MYOM2: variants seen among roughly 807,000 people sequenced by gnomAD.
MYOM2 encodes the protein myomesin-2.
Under a neutral mutation model 187.6 loss-of-function variants are expected in MYOM2, and 254 were observed. The observed-to-expected ratio is 1.35, with a 90% CI of 1.22 to 1.50. The LOEUF is 1.50. MYOM2 is among the 40% of genes most tolerant of loss of function. MYOM2 has a pLI of 0.00. For missense variants in MYOM2, 2,796 were observed against 1,924.0 expected (o/e 1.45, Z -8.48); for synonymous variants, 981 against 753.8 (o/e 1.30, Z -4.94).
chr8:2,123,818 GT>G (rs1256039634), intron 30 of MYOM2, among the ~76,000 whole-genome samples, 176 bp downstream of exon 30: 2 of 152,144 alleles, frequency 1.3e-5, no homozygotes, highest in Non-Finnish European at 2.9e-5. Flanking sequence ...TTTTTTCAGT[GT>G]TTTAGAATAA....
At position 2,091,132 on chromosome 8, in the gene MYOM2, G is replaced by T. The variant is rs771653177; in HGVS notation, c.1828+941G>T. On this transcript the variant is annotated intron_variant, in intron 15 of 36. Coordinates refer to ENST00000262113, the MANE Select transcript of MYOM2 (RefSeq NM_003970.4). ...TAAGTGTTCCCTTTTCTCTGCAATG[G>T]TCACTTTTAAAGTAATTCAAATTTT... is the stretch of plus-strand genomic sequence containing the variant. Among the ~76,000 whole-genome samples, 7 of 147,138 alleles carry T rather than the reference G, an allele frequency of 4.8e-5. No individual in the cohort carries two copies. In the Admixed American group the frequency reaches 4.9e-4, roughly 10 times the overall value.
chr8:2,105,719 G>C (rs1482695723), intron 21 of MYOM2, among the ~76,000 whole-genome samples: 1 of 152,154 alleles, frequency 6.6e-6, no homozygotes, highest in Non-Finnish European at 1.5e-5. Context: ...AGCCCCTCCA[G>C]GTCCTCCCTA....
chr8:2,088,401 C>T (rs1242966420), intron 14 of MYOM2, among the ~76,000 whole-genome samples: 1 of 152,354 alleles, frequency 6.6e-6, no homozygotes, highest in Non-Finnish European at 1.5e-5. Context: ...GTGAGCACAG[C>T]ACCCCATAGG....
chr8:2,100,807 G>T (rs974566871), intron 19 of MYOM2, 69 bp from the exon 20 acceptor site: 3 of 1,535,592 alleles, frequency 2.0e-6, no homozygotes, highest in African/African-American at 1.4e-5. Context: ...GGTCCCCGGG[G>T]CTGGGTTGGG....
intron 32 of MYOM2, among the ~76,000 whole-genome samples, chr8:2,129,838 T>C (rs1220912632): frequency 6.6e-6 from 1 of 152,082 alleles, no homozygotes; most frequent in Non-Finnish European, 1.5e-5. Flanking sequence ...AGCCGACATC[T>C]GAAACAACCA....
chr8:2,092,082 G>T (rs1277954504), intron 15 of MYOM2, among the ~76,000 whole-genome samples: 3 of 148,686 alleles, frequency 2.0e-5, no homozygotes, highest in African/African-American at 7.4e-5. Context: ...TCTGATGGGA[G>T]ACAGGAGGAT....
intron 1 of MYOM2, 106 bp from the exon 2 acceptor site, chr8:2,050,649 G>A (rs79338121): frequency 1.6e-6 from 1 of 608,732 alleles, no homozygotes; most frequent in Non-Finnish European, 2.9e-6. Context: ...TCCCAAGGGG[G>A]TTTTATTAAC....
intron 6 of MYOM2, among the ~76,000 whole-genome samples, chr8:2,064,004 CTG>C (rs1322279042): frequency 2.6e-5 from 4 of 152,336 alleles, no homozygotes; most frequent in Admixed American, 2.0e-4. Flanking sequence ...AGCTGAGTGC[CTG>C]TGTGGGGCCT....
rs768824081 is a variant in MYOM2, at chr8:2,144,779, A to C, written c.4196A>C (p.Lys1399Thr). Residue 1399 changes from lysine (K) to threonine (T), a missense_variant, in exon 37 of 37, where the codon AAG (lysine) becomes ACG (threonine). Coordinates refer to ENST00000262113, the MANE Select transcript of MYOM2 (RefSeq NM_003970.4). ...TTCTCGGTGAAGGTGGAGCAGGCCAAGTACGTCAGCATGACCATCAAAGGC... is the reference window on the plus strand; with the variant it reads ...TTCTCGGTGAAGGTGGAGCAGGCCACGTACGTCAGCATGACCATCAAAGGC... ...EHFSVKVEQA[K>T]YVSMTIKGVT... is the part of the protein sequence containing the mutation. 1.2e-6 allele frequency: 2 copies of C among 1,614,224 alleles called. No homozygotes were observed. The highest frequency in any genetic ancestry group is 4.5e-5 in the East Asian group (2 of 44,874).
chr8:2,128,814 G>A (rs941639521), intron 31 of MYOM2, among the ~76,000 whole-genome samples: 2 of 152,196 alleles, frequency 1.3e-5, no homozygotes, highest in African/African-American at 4.8e-5. Flanking sequence ...GCCATGCACT[G>A]TTGTTATTTT....
chr8:2,058,963 T>C (rs1818762463), intron 5 of MYOM2, among the ~76,000 whole-genome samples, 190 bp from the exon 6 acceptor site: 1 of 152,242 alleles, frequency 6.6e-6, no homozygotes, highest in Non-Finnish European at 1.5e-5. Flanking sequence ...AGGAAAGCGC[T>C]GCTCTCGCCT....
At chr8:2,125,627 G>A (rs917888234) in intron 31 of MYOM2, among the ~76,000 whole-genome samples, 1 of 15,022 alleles carries the variant, frequency 6.7e-5, no homozygotes, top group African/African-American at 2.2e-4. Context: ...TTTTTTTTTT[G>A]AGACGGAGTC....
chr8:2,120,587 G>A (rs1484684856), intron 28 of MYOM2, among the ~76,000 whole-genome samples: 1 of 139,712 alleles, frequency 7.2e-6, no homozygotes, highest in East Asian at 2.1e-4. Flanking sequence ...AGAAATTTGT[G>A]TGATGAAAGG....
Position 2,059,615 on chromosome 8 carries a change from T to C in MYOM2, c.653+370T>C, listed in dbSNP as rs1038712930. 3.3e-5 allele frequency among the ~76,000 whole-genome samples: 5 copies of C among 152,170 alleles called. No individual in the cohort carries two copies. The South Asian group carries it at 8.3e-4, about 25-fold the overall frequency. Reference sequence around the variant, plus strand: ...GAATGATAACCTTTATTTTCTTTTATAACAAATCAAAAAAGTATATGAAAT... The same window carrying C: ...GAATGATAACCTTTATTTTCTTTTACAACAAATCAAAAAAGTATATGAAAT... On this transcript the variant is annotated intron_variant, in intron 6 of 36. Coordinates refer to ENST00000262113, the MANE Select transcript of MYOM2 (RefSeq NM_003970.4).
At chr8:2,093,550 G>A (rs914228445) in intron 16 of MYOM2, among the ~76,000 whole-genome samples, 5 of 152,200 alleles carry the variant, frequency 3.3e-5, no homozygotes, top group Non-Finnish European at 7.3e-5. Context: ...TAAAATCTGT[G>A]AGGTTTCAAA....
At position 2,073,396 on chromosome 8, in the gene MYOM2, C is replaced by T; in HGVS notation, c.1016C>T (p.Ser339Phe). The change falls in exon 10 of 37, where the codon TCC becomes TTC. Residue 339 changes from serine to phenylalanine, a missense_variant. Coordinates refer to ENST00000262113, the MANE Select transcript of MYOM2 (RefSeq NM_003970.4). ...TKMFFGEGQA[S>F]LSFSHLHKDD... Reference sequence around the variant, plus strand: ...ATGTTCTTTGGAGAAGGCCAGGCCTCCCTGTCCTTCAGCCACCTGCACAAG... The same window carrying T: ...ATGTTCTTTGGAGAAGGCCAGGCCTTCCTGTCCTTCAGCCACCTGCACAAG... 1.2e-6 allele frequency: 2 copies of T among 1,613,462 alleles called. No homozygotes were observed. The highest frequency in any genetic ancestry group is 8.5e-7 in the Non-Finnish European group (1 of 1,179,796).
In MYOM2 at chr8:2,115,966, AG is replaced by A; in HGVS notation, c.3188del (p.Arg1063LysfsTer14). On this transcript the variant is annotated frameshift_variant, in exon 26 of 37. Transcript: ENST00000262113. LOFTEE classifies it high-confidence loss of function. ...TCCCTTGTTTTGCTTGCAGATACACAGAATTAAATGTGACAAAGCTACTGGC... is the reference window on the plus strand; with the variant it reads ...TCCCTTGTTTTGCTTGCAGATACACAAATTAAATGTGACAAAGCTACTGGC... ...DREVSDSEIH[R>X]IKCDKATGII... 6.2e-7 allele frequency: 1 copy of A among 1,608,322 alleles called. No individual in the cohort carries two copies. The highest frequency in any genetic ancestry group is 2.2e-5 in the East Asian group (1 of 44,850).
intron 14 of MYOM2, among the ~76,000 whole-genome samples, chr8:2,089,482 C>A (rs1387856870): frequency 6.6e-6 from 1 of 152,140 alleles, no homozygotes; most frequent in Non-Finnish European, 1.5e-5. Flanking sequence ...GACTAAAGAT[C>A]TTTATACAAT....
intron 3 of MYOM2, among the ~76,000 whole-genome samples, chr8:2,055,298 G>A (rs529847869): frequency 6.6e-6 from 1 of 152,200 alleles, no homozygotes; most frequent in Non-Finnish European, 1.5e-5. Flanking sequence ...GGAGGAGGAT[G>A]AGGACGTATG....
Sources: allele counts gnomAD v4.1 joint callset (sites outside exome capture counted in the v4.1 genomes callset), GRCh38; gene constraint gnomAD v4.1.1; transcripts MANE v1.5; gene names NCBI Gene and HGNC (gene_info 2026-07-23, HGNC 2026-07-21).